Variants in C1orf21 observed in about 807,000 individuals in gnomAD.
C1orf21 encodes chromosome 1 open reading frame 21, also known as uncharacterized protein C1orf21.
Under a neutral mutation model 18.7 loss-of-function variants are expected in C1orf21, and 3 were observed. The ratio of observed to expected loss-of-function variants is 0.16; its 90% CI spans 0.07 to 0.42. The LOEUF is 0.42. C1orf21 is among the 10% of genes least tolerant of loss of function. The pLI, the probability that C1orf21 is intolerant of heterozygous loss-of-function variation, is 0.99. For missense variants in C1orf21, 104 were observed against 143.6 expected (o/e 0.72, Z 1.41); for synonymous variants, 41 against 46.4 (o/e 0.88, Z 0.47).
At chr1:184,603,876 A>C (rs1436934899) in intron 5 of C1orf21, among the ~76,000 whole-genome samples, 1 of 152,252 alleles carries the variant, frequency 6.6e-6, no homozygotes, top group African/African-American at 2.4e-5. Flanking sequence ...TTACACTTAC[A>C]AAATGTTGGA....
At chr1:184,512,002 G>T (rs1658156527) in intron 3 of C1orf21, among the ~76,000 whole-genome samples, 2 of 152,150 alleles carry the variant, frequency 1.3e-5, no homozygotes, top group Non-Finnish European at 2.9e-5. Flanking sequence ...GAGCCAGACT[G>T]TATCACTTGA....
chr1:184,580,410 T>A (rs907745006), intron 3 of C1orf21, among the ~76,000 whole-genome samples: 1 of 152,242 alleles, frequency 6.6e-6, no homozygotes, highest in African/African-American at 2.4e-5. Context: ...TGAACTTGAA[T>A]TTTTTAGTCA....
intron 5 of C1orf21, among the ~76,000 whole-genome samples, chr1:184,606,449 A>G (rs1050446296): frequency 4.6e-5 from 7 of 152,250 alleles, no homozygotes; most frequent in African/African-American, 1.7e-4. Context: ...GTATGGTGGC[A>G]TTCACCTGTA....
rs1657990144 is a variant in C1orf21 at position 184,502,423 on chromosome 1, A to C, written c.95-5165A>C. Among the ~76,000 whole-genome samples the C allele has an allele frequency of 2.0e-5, 3 of 152,170 alleles. No individual in the cohort carries two copies. In the South Asian group the frequency reaches 6.2e-4, roughly 32 times the overall value. On this transcript the variant is annotated intron_variant, in intron 2 of 5. Transcript: ENST00000235307. ...CGTCATGGGAATTAAATTCAACATG[A>C]ATTTTGGAGGGAACGTCAACATTCA...
intron 5 of C1orf21, among the ~76,000 whole-genome samples, chr1:184,612,574 A>T: frequency 6.6e-6 from 1 of 152,134 alleles, no homozygotes; most frequent in East Asian, 1.9e-4. Context: ...AAAAATACAA[A>T]AATTAGCCAG....
chr1:184,534,267 A>G (rs933774560), intron 3 of C1orf21, among the ~76,000 whole-genome samples: 49 of 152,318 alleles, frequency 3.2e-4, no homozygotes, highest in African/African-American at 1.2e-3. Flanking sequence ...GCGAATTTAG[A>G]AAGGGAAAAA....
intron 5 of C1orf21, among the ~76,000 whole-genome samples, chr1:184,611,167 C>A (rs974143271): frequency 2.6e-5 from 4 of 152,154 alleles, no homozygotes; most frequent in Non-Finnish European, 5.9e-5. Context: ...GCCATTAATG[C>A]CTCGATTGAT....
At chr1:184,587,650 G>A (rs1474672764) in intron 3 of C1orf21, among the ~76,000 whole-genome samples, 26 of 132,830 alleles carry the variant, frequency 2.0e-4, no homozygotes, top group Non-Finnish European at 3.0e-4. Flanking sequence ...TTTTGTTTTT[G>A]TATGGTTTTT....
intron 1 of C1orf21, among the ~76,000 whole-genome samples, chr1:184,470,628 C>G (rs1051454643): frequency 2.0e-5 from 3 of 152,160 alleles, no homozygotes; most frequent in African/African-American, 7.2e-5. Context: ...CCTGAAATCC[C>G]AGTACTTTGG....
intron 1 of C1orf21, among the ~76,000 whole-genome samples, chr1:184,396,789 C>T (rs1359184545): frequency 6.6e-6 from 1 of 152,116 alleles, no homozygotes; most frequent in Non-Finnish European, 1.5e-5. Flanking sequence ...TGTAATTGCT[C>T]ATTCATTTTT....
At chr1:184,596,425 T>C (rs1191868208) in intron 4 of C1orf21, among the ~76,000 whole-genome samples, 2 of 152,114 alleles carry the variant, frequency 1.3e-5, no homozygotes, top group African/African-American at 4.8e-5. Context: ...TTCAAGGCAA[T>C]ATAATGCTAA....
intron 3 of C1orf21, among the ~76,000 whole-genome samples, chr1:184,544,423 C>G (rs1658699347): frequency 6.6e-6 from 1 of 152,128 alleles, no homozygotes. Context: ...CAGGTCAAAG[C>G]AATCAGATGC....
At chr1:184,594,479 A>G (rs1659486898) in intron 4 of C1orf21, among the ~76,000 whole-genome samples, 1 of 152,260 alleles carries the variant, frequency 6.6e-6, no homozygotes, top group Admixed American at 6.5e-5. Flanking sequence ...ACATATTTGT[A>G]TACTAGGTTG....
chr1:184,481,918 G>T (rs1162871091), intron 2 of C1orf21, among the ~76,000 whole-genome samples: 1 of 152,170 alleles, frequency 6.6e-6, no homozygotes, highest in East Asian at 1.9e-4. Flanking sequence ...AATATGACGA[G>T]TTAAGGTCTT....
rs1173459687 is a variant in C1orf21, at chr1:184,410,668, T to C, written c.-125+23300T>C. Among the ~76,000 whole-genome samples the C allele has an allele frequency of 7.0e-5, 3 of 42,688 alleles. 1 individual carries two copies. The highest frequency in any genetic ancestry group is 4.5e-4 in the Admixed American group (2 of 4,484). The allele number at this position is 42,688 out of a possible 152,430, so 28.0% of individuals were successfully genotyped here. ...ATATATATATATATATATATATTTT[T>C]TTTTTTTTTTTTTGAGATGGAGTTT... On this transcript the variant is annotated intron_variant, in intron 1 of 5. Transcript: ENST00000235307.
At chr1:184,489,506 A>G (rs537540361) in intron 2 of C1orf21, among the ~76,000 whole-genome samples, 1 of 152,308 alleles carries the variant, frequency 6.6e-6, no homozygotes, top group Admixed American at 6.5e-5. Flanking sequence ...TGGGGCACAA[A>G]ATAGTAACAT....
intron 5 of C1orf21, among the ~76,000 whole-genome samples, chr1:184,610,531 T>A (rs1178146305): frequency 1.3e-5 from 2 of 152,166 alleles, no homozygotes; most frequent in Admixed American, 6.5e-5. Flanking sequence ...CAGCCTCAGA[T>A]AAAGCTTGAA....
chr1:184,538,401 C>T (rs2101976409), intron 3 of C1orf21, among the ~76,000 whole-genome samples: 1 of 152,238 alleles, frequency 6.6e-6, no homozygotes, highest in Non-Finnish European at 1.5e-5. Flanking sequence ...AATATTCTTT[C>T]TCATTCCGTA....
intron 3 of C1orf21, among the ~76,000 whole-genome samples, chr1:184,584,132 TC>T (rs371339253): frequency 0.023 from 1,411 of 60,224 alleles, 25 homozygotes; most frequent in African/African-American, 0.089. Context: ...TTGTTCTTCT[TC>T]TTTTTTTTTT....
Sources: gnomAD v4.1 joint callset for allele counts (sites outside exome capture counted in the v4.1 genomes callset) on GRCh38, gnomAD v4.1.1 for gene constraint, MANE v1.5 for transcripts, NCBI Gene and HGNC (gene_info 2026-07-23, HGNC 2026-07-21) for gene names.